Variants in VPS8 observed in about 807,000 individuals in gnomAD.
VPS8 encodes vacuolar protein sorting-associated protein 8 homolog.
In VPS8, 129 loss-of-function variants were observed where a neutral mutation model predicts 216.4. The ratio of observed to expected loss-of-function variants is 0.60; its 90% CI spans 0.52 to 0.69. The LOEUF (loss-of-function observed/expected upper bound fraction) is 0.69, where lower values mean the gene tolerates loss of function less well. Among genes scored for constraint, VPS8 ranks in the 30% least tolerant of loss-of-function variants. The pLI is 0.00. For synonymous variants in VPS8, 571 were observed against 565.4 expected (o/e 1.01, Z -0.14); for missense variants, 1,531 against 1,683.5 (o/e 0.91, Z 1.59).
At position 184,868,148 on chromosome 3, in the gene VPS8, G is replaced by C. The variant is rs541325776; in HGVS notation, c.1506+89G>C. 47 of 1,372,070 alleles carry C rather than the reference G, an allele frequency of 3.4e-5. No homozygotes were observed. The South Asian group carries it at 5.7e-4, about 17-fold the overall frequency. 85.0% of individuals were successfully genotyped at this position (1,372,070 alleles called of 1,614,324 possible). A position where few individuals can be genotyped will look rare whatever the true frequency, so the allele number is the denominator to read the frequency against. On this transcript the variant is annotated intron_variant, in intron 18 of 47. Transcript: ENST00000625842. ...TTGACTTTTCAGAAGAAGATTATTT[G>C]GTAAGCTTCTTAATTTCAGAAGTGT...
At chr3:184,846,050 G>A (rs866616703) in intron 8 of VPS8, among the ~76,000 whole-genome samples, 41 of 152,254 alleles carry the variant, frequency 2.7e-4, no homozygotes, top group Middle Eastern at 3.4e-3. Flanking sequence ...GATGAAGATA[G>A]GGAGGCTAAG....
intron 21 of VPS8, among the ~76,000 whole-genome samples, chr3:184,878,534 C>T (rs1729688295): frequency 6.6e-6 from 1 of 152,162 alleles, no homozygotes; most frequent in Non-Finnish European, 1.5e-5. Context: ...TATATTTTTG[C>T]ATTAAGAGGT....
At chr3:185,045,083 A>C (rs954660375) in intron 46 of VPS8, among the ~76,000 whole-genome samples, 3 of 85,508 alleles carry the variant, frequency 3.5e-5, no homozygotes, top group African/African-American at 1.4e-4. Context: ...GAAAGATTTG[A>C]AAGTGAGGTG....
chr3:184,852,092 A>T, intron 10 of VPS8, among the ~76,000 whole-genome samples: 1 of 152,338 alleles, frequency 6.6e-6, no homozygotes, highest in Middle Eastern at 3.4e-3. Flanking sequence ...TTATTTCTCA[A>T]AGATACCAAG....
intron 45 of VPS8, among the ~76,000 whole-genome samples, chr3:185,018,681 A>G (rs1041013630): frequency 2.6e-5 from 4 of 152,240 alleles, no homozygotes; most frequent in Non-Finnish European, 5.9e-5. Flanking sequence ...AACCTGGTCC[A>G]TATTGATTAA....
intron 40 of VPS8, among the ~76,000 whole-genome samples, chr3:184,982,050 C>A (rs1750294300): frequency 6.6e-6 from 1 of 150,490 alleles, no homozygotes; most frequent in Admixed American, 6.6e-5. Context: ...TTAGGAAATA[C>A]AAGATAATGC....
At chr3:184,932,518 T>C (rs1190971832) in intron 34 of VPS8, among the ~76,000 whole-genome samples, 1 of 152,196 alleles carries the variant, frequency 6.6e-6, no homozygotes, top group Non-Finnish European at 1.5e-5. Context: ...TCCTAGGTCC[T>C]CAACAAGAAA....
chr3:184,961,476 G>A (rs937192839), intron 37 of VPS8, among the ~76,000 whole-genome samples: 3 of 152,032 alleles, frequency 2.0e-5, no homozygotes, highest in South Asian at 2.1e-4. Flanking sequence ...ACATTTTGCC[G>A]TACTGGCCTT....
chr3:184,898,229 C>A (rs1733874496), intron 23 of VPS8, among the ~76,000 whole-genome samples: 3 of 151,922 alleles, frequency 2.0e-5, no homozygotes, highest in Admixed American at 1.3e-4. Context: ...CACTTTATTC[C>A]CAGTGCCTAT....
At chr3:184,958,791 C>T (rs1407086182) in intron 37 of VPS8, among the ~76,000 whole-genome samples, 2 of 151,972 alleles carry the variant, frequency 1.3e-5, no homozygotes, top group South Asian at 2.1e-4. Flanking sequence ...TCTCAAAAAC[C>T]GTGAGTTAGA....
rs73888188 is a variant in VPS8 at position 184,845,058 on chromosome 3, T to G, written c.541+1813T>G. On this transcript the variant is annotated intron_variant, in intron 8 of 47. Transcript: ENST00000625842. ...ACAGTAGTAACCAAATATACCTTTA[T>G]GTGACTTTGTAAAGAAATTAGATAT... is the stretch of plus-strand genomic sequence containing the variant. Among the ~76,000 whole-genome samples the G allele has an allele frequency of 6.6e-3, 1,000 of 152,350 alleles. 4 individuals are homozygous for G. The highest frequency in any genetic ancestry group is 0.022 in the African/African-American group (929 of 41,586).
intron 36 of VPS8, 85 bp downstream of exon 36, chr3:184,940,328 G>C: frequency 4.1e-6 from 2 of 491,362 alleles, no homozygotes; most frequent in Non-Finnish European, 6.1e-6. Flanking sequence ...CCAGCCCATG[G>C]TATCTAAATA....
intron 25 of VPS8, 35 bp downstream of exon 25, chr3:184,901,007 C>T: frequency 1.3e-6 from 2 of 1,583,096 alleles, no homozygotes; most frequent in Admixed American, 1.8e-5. Flanking sequence ...TTTTGCTTTC[C>T]TGTATTTAAG....
At chr3:185,036,145 C>T (rs1758843982) in intron 46 of VPS8, among the ~76,000 whole-genome samples, 1 of 152,166 alleles carries the variant, frequency 6.6e-6, no homozygotes, top group Admixed American at 6.5e-5. Context: ...AGTCCATGCT[C>T]ATGGATTGGA....
At chr3:184,856,308 T>C (rs1363468775) in intron 14 of VPS8, among the ~76,000 whole-genome samples, 1 of 152,226 alleles carries the variant, frequency 6.6e-6, no homozygotes, top group East Asian at 1.9e-4. Flanking sequence ...TTGAACTATG[T>C]GATGAAAATC....
At chr3:184,829,435 C>T (rs192119619) in intron 3 of VPS8, among the ~76,000 whole-genome samples, 13 of 152,204 alleles carry the variant, frequency 8.5e-5, no homozygotes, top group East Asian at 7.7e-4. Flanking sequence ...AGGCTGGTCT[C>T]GAACTCCTGA....
chr3:185,030,808 G>A (rs1278723399), intron 46 of VPS8, among the ~76,000 whole-genome samples: 1 of 152,096 alleles, frequency 6.6e-6, no homozygotes, highest in Admixed American at 6.6e-5. Context: ...TGTTGCCAAG[G>A]CTGGAGTGCA....
chr3:185,027,531 C>T (rs997241672), intron 46 of VPS8, among the ~76,000 whole-genome samples: 11 of 152,206 alleles, frequency 7.2e-5, no homozygotes, highest in African/African-American at 2.2e-4. Flanking sequence ...CGTGAGCCAC[C>T]GCACCCGGCT....
chr3:184,918,281 A>G lies in VPS8; in HGVS notation c.2383-1846A>G, dbSNP rs562229471. ...GATTAGGAGGTAGCTTGCTATCATT[A>G]TTTTACAGAAGCCCCATAGTAATTT... On this transcript the variant is annotated intron_variant, in intron 28 of 47. Transcript: ENST00000625842. 4.6e-5 allele frequency among the ~76,000 whole-genome samples: 7 copies of G among 152,284 alleles called. No individual in the cohort carries two copies. In the South Asian group the frequency reaches 1.5e-3, roughly 32 times the overall value.
Sources: allele counts gnomAD v4.1 joint callset (sites outside exome capture counted in the v4.1 genomes callset), GRCh38; gene constraint gnomAD v4.1.1; transcripts MANE v1.5; gene names NCBI Gene and HGNC (gene_info 2026-07-23, HGNC 2026-07-21).